Variants in CCDC187 observed in about 807,000 individuals in gnomAD.
The protein encoded by CCDC187 is coiled-coil domain containing 187.
CCDC187 carries 32 observed loss-of-function variants against 38.0 expected under a neutral mutation model. That is an observed-to-expected ratio of 0.84 (90% CI 0.64 to 1.13). The LOEUF is 1.13. Ranked by LOEUF, CCDC187 falls within the 50% of genes most tolerant of loss-of-function variation. CCDC187 has a pLI of 0.00. For synonymous variants in CCDC187, 333 were observed against 347.9 expected, an observed-to-expected ratio of 0.96 and a Z score of 0.48; for missense variants, 707 against 786.8, an observed-to-expected ratio of 0.90 and a Z score of 1.21.
rs1830645755 is a variant in CCDC187, at chr9:136,258,770, C to T, written c.4366+162G>A. The T allele has an allele frequency of 1.0e-6, 1 of 985,342 alleles. No individual in the cohort carries two copies. The highest frequency in any genetic ancestry group is 1.7e-5 in the African/African-American group (1 of 57,248). 61.0% of individuals were successfully genotyped at this position (985,342 alleles called of 1,614,324 possible). ...GAGATGGAGCCGGCCACTCTTCTTGCAGTGAAGGGGTCTGAGGCCAGGGTG... is the reference window on the plus strand; with the variant it reads ...GAGATGGAGCCGGCCACTCTTCTTGTAGTGAAGGGGTCTGAGGCCAGGGTG... On this transcript the variant is annotated intron_variant, in intron 22 of 25. Transcript: ENST00000638797. This position sits in a 1 kb window ranked among gnomAD's most constrained non-coding sequence, Gnocchi z 4.3.
Position 136,264,496 on chromosome 9 carries a change from C to T in CCDC187, c.3736-698G>A, listed in dbSNP as rs1564308909. ...ACCCCTTCTAAGCCCCTTTTGTTTC[C>T]CCGGCTCACGTTGTTCTCTGTGGTG... On this transcript the variant is annotated intron_variant, in intron 17 of 25. Transcript: ENST00000638797. This position sits in a 1 kb window ranked among gnomAD's most constrained non-coding sequence, Gnocchi z 4.3. Among the ~76,000 whole-genome samples, 2 of 152,274 alleles carry T rather than the reference C, an allele frequency of 1.3e-5. No individual in the cohort carries two copies. Among genetic ancestry groups the T allele is most frequent in the East Asian group, 3.9e-4 (2 of 5,184 alleles).
Position 136,258,859 on chromosome 9 carries a change from G to A in CCDC187, c.4366+73C>T, listed in dbSNP as rs781973030. ...TGTCCAGTGGCTGAGCTCCAGCCTCGGACAGGCTCTGCTGGATGTGGGGGA... is the reference window on the plus strand; with the variant it reads ...TGTCCAGTGGCTGAGCTCCAGCCTCAGACAGGCTCTGCTGGATGTGGGGGA... On this transcript the variant is annotated intron_variant, in intron 22 of 25. Transcript: ENST00000638797. This position sits in a 1 kb window ranked among gnomAD's most constrained non-coding sequence, Gnocchi z 4.3. 3.5e-5 allele frequency: 34 copies of A among 985,388 alleles called. No homozygotes were observed. Among genetic ancestry groups the A allele is most frequent in the South Asian group, 4.7e-5 (1 of 21,298 alleles). 61.0% of individuals were successfully genotyped at this position (985,388 alleles called of 1,614,324 possible).
intron 2 of CCDC187, among the ~76,000 whole-genome samples, chr9:136,302,395 C>G (rs1486415508): frequency 1.3e-5 from 2 of 151,624 alleles, no homozygotes; most frequent in African/African-American, 4.9e-5. Context: ...CTCCCACCCC[C>G]TGTCCCTGCA....
intron 17 of CCDC187, among the ~76,000 whole-genome samples, chr9:136,265,195 G>A (rs1039863638): frequency 2.0e-5 from 3 of 152,224 alleles, no homozygotes; most frequent in Non-Finnish European, 4.4e-5. Context: ...AAGGGTCCTC[G>A]TCCTGGCTCT....
rs1564302510 is a variant in CCDC187, at chr9:136,250,765, T to C, written c.*2829A>G. The C allele has an allele frequency of 2.2e-6, 1 of 456,240 alleles. No homozygotes were observed. Among genetic ancestry groups the C allele is most frequent in the Non-Finnish European group, 4.4e-6 (1 of 226,954 alleles). The allele number at this position is 456,240 out of a possible 1,614,324, so 28.3% of individuals were successfully genotyped here. A position where few individuals can be genotyped will look rare whatever the true frequency, so the allele number is the denominator to read the frequency against. ...CTGGGCTTCCTGTGCACATGGTGAA[T>C]GGGGACCCTGACACAGGCCGGCCAT... On this transcript the variant is annotated 3_prime_UTR_variant, in exon 26 of 26. Coordinates refer to ENST00000638797, the MANE Select transcript of CCDC187 (RefSeq NM_001378188.1).
chr9:136,293,098 ACACT>A (rs1323601447), intron 4 of CCDC187, among the ~76,000 whole-genome samples: 25 of 148,570 alleles, frequency 1.7e-4, no homozygotes, highest in African/African-American at 4.7e-4. Flanking sequence ...ACACTCACAA[ACACT>A]CACATTGCTC....
Position 136,300,241 on chromosome 9 carries a change from C to T in CCDC187, c.703G>A (p.Val235Ile), listed in dbSNP as rs1201031916. 3 of 398,552 alleles carry T rather than the reference C, an allele frequency of 7.5e-6. No individual in the cohort carries two copies. The highest frequency in any genetic ancestry group is 8.8e-6 in the Non-Finnish European group (2 of 226,112). The allele number at this position is 398,552 out of a possible 1,614,324, so 24.7% of individuals were successfully genotyped here. A position where few individuals can be genotyped will look rare whatever the true frequency, so the allele number is the denominator to read the frequency against. The change falls in exon 3 of 26, where the codon GTC becomes ATC. Residue 235 changes from valine (V) to isoleucine (I), a missense_variant. By Grantham distance (29) the Val-to-Ile change is conservative. Coordinates refer to ENST00000638797, the MANE Select transcript of CCDC187 (RefSeq NM_001378188.1). The part of the protein sequence containing the change: ...SHGQGRELSR[V>I]SQHQVPVLRE... ...TCACCAGGAACCTGGTGCTGGGAGACCCTGGAGAGCTCGCGCCCCTGGCCG... is the reference window on the plus strand; with the variant it reads ...TCACCAGGAACCTGGTGCTGGGAGATCCTGGAGAGCTCGCGCCCCTGGCCG...
At chr9:136,261,991 C>T (rs1418022598) in intron 19 of CCDC187, among the ~76,000 whole-genome samples, 10 of 152,254 alleles carry the variant, frequency 6.6e-5, no homozygotes, top group African/African-American at 9.6e-5. Flanking sequence ...GCCAGGCTCT[C>T]GGGCAGGTGA....
chr9:136,304,345 A>T (rs969009990), upstream of CCDC187, among the ~76,000 whole-genome samples: 1 of 152,090 alleles, frequency 6.6e-6, no homozygotes, highest in South Asian at 2.1e-4. Flanking sequence ...GTTAGGTTCA[A>T]TTCAGTCTGA....
Position 136,250,448 on chromosome 9 carries a change from T to C in CCDC187, c.*3146A>G, listed in dbSNP as rs1830521543. On this transcript the variant is annotated 3_prime_UTR_variant, in exon 26 of 26. Transcript: ENST00000638797. ...AGATTCGCTGCAAATCTGCGGGGCT[T>C]CAGTGGTGGAGATTTATCGTCATGC... 1 of 296,438 alleles carries C rather than the reference T, an allele frequency of 3.4e-6. No individual in the cohort carries two copies. The highest frequency in any genetic ancestry group is 4.9e-5 in the Admixed American group (1 of 20,378). 18.4% of individuals were successfully genotyped at this position (296,438 alleles called of 1,614,324 possible). A position where few individuals can be genotyped will look rare whatever the true frequency, so the allele number is the denominator to read the frequency against.
intron 14 of CCDC187, among the ~76,000 whole-genome samples, chr9:136,271,761 C>T (rs1004930578): frequency 3.3e-5 from 5 of 151,762 alleles, no homozygotes; most frequent in African/African-American, 9.7e-5. Context: ...GCACCCGCCA[C>T]CGCATCTGGC....
chr9:136,273,380 C>A (rs1242467942), intron 14 of CCDC187, among the ~76,000 whole-genome samples: 2 of 152,200 alleles, frequency 1.3e-5, no homozygotes, highest in Non-Finnish European at 2.9e-5. Flanking sequence ...GTATTAATAT[C>A]AGACAAAATA....
intron 17 of CCDC187, 74 bp from the exon 18 acceptor site, chr9:136,263,872 G>A (rs1830709274): frequency 1.1e-6 from 1 of 949,142 alleles, no homozygotes; most frequent in African/African-American, 1.8e-5. Context: ...AAAGGGAAGG[G>A]GTGTCTGGGG....
chr9:136,258,501 T>A lies in CCDC187; in HGVS notation c.4366+431A>T, dbSNP rs1262442896. 6.6e-6 allele frequency among the ~76,000 whole-genome samples: 1 copy of A among 151,426 alleles called. No individual in the cohort carries two copies. The highest frequency in any genetic ancestry group is 1.5e-5 in the Non-Finnish European group (1 of 67,914). ...AGGGTTCCCTGACACTGTGAGTGCA[T>A]CTGCTCCCGCCCCACCTGCAAATTG... On this transcript the variant is annotated intron_variant, in intron 22 of 25. Transcript: ENST00000638797. This position sits in a 1 kb window ranked among gnomAD's most constrained non-coding sequence, Gnocchi z 4.3.
intron 2 of CCDC187, among the ~76,000 whole-genome samples, chr9:136,301,586 C>CTTTA (rs1238102276): frequency 7.9e-6 from 1 of 126,562 alleles, no homozygotes; most frequent in Admixed American, 8.4e-5. Flanking sequence ...GCATACGTTA[C>CTTTA]TTTTTTTTTT....
intron 9 of CCDC187, among the ~76,000 whole-genome samples, chr9:136,283,774 G>A (rs1254811067): frequency 2.0e-5 from 3 of 152,190 alleles, no homozygotes; most frequent in African/African-American, 7.2e-5. Flanking sequence ...CGGGAGCCCG[G>A]GGCACTGAAA....
chr9:136,262,034 G>A (rs1554761045), intron 19 of CCDC187, among the ~76,000 whole-genome samples: 1 of 152,256 alleles, frequency 6.6e-6, no homozygotes, highest in Non-Finnish European at 1.5e-5. Flanking sequence ...CCTGCTCCAT[G>A]GGGACAGTCC....
chr9:136,304,425 C>T (rs1831766310), upstream of CCDC187, among the ~76,000 whole-genome samples: 1 of 152,204 alleles, frequency 6.6e-6, no homozygotes, highest in East Asian at 1.9e-4. Flanking sequence ...GCCACCATCT[C>T]TCAGTTCCAT....
In CCDC187 at chr9:136,262,002, C is replaced by T. The variant is rs374498311; in HGVS notation, c.4064+309G>A. 1.5e-3 allele frequency among the ~76,000 whole-genome samples: 231 copies of T among 152,368 alleles called. 2 individuals carry two copies. Among genetic ancestry groups the T allele is most frequent in the African/African-American group, 5.3e-3 (220 of 41,594 alleles). Reference sequence around the variant, plus strand: ...AGCGGCCAGGCTCTCGGGCAGGTGACCCTGGTCATCACTCCCCCTCCCCTG... The same window carrying T: ...AGCGGCCAGGCTCTCGGGCAGGTGATCCTGGTCATCACTCCCCCTCCCCTG... On this transcript the variant is annotated intron_variant, in intron 19 of 25. Transcript: ENST00000638797.
Sources: gnomAD v4.1 joint callset for allele counts (sites outside exome capture counted in the v4.1 genomes callset) on GRCh38, gnomAD v4.1.1 for gene constraint, Gnocchi (gnomAD v3.1) non-coding constraint, MANE v1.5 for transcripts, NCBI Gene and HGNC (gene_info 2026-07-23, HGNC 2026-07-21) for gene names.